The following CPQ variants were observed in gnomAD, a reference collection of about 807,000 sequenced individuals.
The protein encoded by CPQ is Ser-Met dipeptidase.
A neutral mutation model predicts 45.7 loss-of-function variants in CPQ; 37 were observed. The ratio of observed to expected loss-of-function variants is 0.81; its 90% CI spans 0.62 to 1.07. The LOEUF is 1.07. Among genes scored for constraint, CPQ ranks in the 50% least tolerant of loss-of-function variants. The pLI, the probability that CPQ is intolerant of heterozygous loss-of-function variation, is 0.00. For synonymous variants in CPQ, 186 were observed against 205.8 expected (o/e 0.90, Z 0.82); for missense variants, 537 against 572.9 (o/e 0.94, Z 0.64).
At chr8:96,758,463 T>C (rs1280687080) in intron 1 of CPQ, among the ~76,000 whole-genome samples, 2 of 152,236 alleles carry the variant, frequency 1.3e-5, no homozygotes, top group African/African-American at 4.8e-5. Context: ...TTACTGATGA[T>C]ACATTAAATG....
intron 4 of CPQ, among the ~76,000 whole-genome samples, chr8:96,961,443 T>G (rs1813460028): frequency 6.6e-6 from 1 of 152,190 alleles, no homozygotes; most frequent in Non-Finnish European, 1.5e-5. Flanking sequence ...ATTTTGAATA[T>G]AAATCATTTT....
chr8:97,121,393 A>G (rs779108069), intron 7 of CPQ, among the ~76,000 whole-genome samples: 3 of 152,228 alleles, frequency 2.0e-5, no homozygotes, highest in Non-Finnish European at 4.4e-5. Context: ...TGTTGGGTAT[A>G]TAGTAAATTG....
intron 5 of CPQ, among the ~76,000 whole-genome samples, chr8:96,975,663 T>C (rs1009291669): frequency 2.6e-5 from 4 of 152,252 alleles, no homozygotes; most frequent in African/African-American, 9.6e-5. Context: ...GTGGGTTTCA[T>C]ACTAGGGATG....
chr8:96,844,577 G>A (rs1811658982), intron 3 of CPQ, among the ~76,000 whole-genome samples: 1 of 152,168 alleles, frequency 6.6e-6, no homozygotes, highest in Non-Finnish European at 1.5e-5. Context: ...TAGAGTTGTT[G>A]AGAGAATTAA....
At chr8:97,027,604 G>C (rs756902602) in intron 5 of CPQ, among the ~76,000 whole-genome samples, 8 of 152,170 alleles carry the variant, frequency 5.3e-5, no homozygotes, top group Non-Finnish European at 1.2e-4. Flanking sequence ...GGATTTACCA[G>C]ATCTGTCTGC....
At chr8:97,079,857 C>G (rs570752004) in intron 7 of CPQ, among the ~76,000 whole-genome samples, 1 of 152,078 alleles carries the variant, frequency 6.6e-6, no homozygotes, top group Non-Finnish European at 1.5e-5. Flanking sequence ...GATAACCAGT[C>G]GGGTTGGACC....
intron 5 of CPQ, among the ~76,000 whole-genome samples, chr8:97,005,453 G>C (rs1809366121): frequency 6.6e-6 from 1 of 151,918 alleles, no homozygotes; most frequent in Non-Finnish European, 1.5e-5. Context: ...TGTAATCCCA[G>C]AACTTTGGGA....
chr8:96,996,493 T>A (rs1809181116), intron 5 of CPQ, among the ~76,000 whole-genome samples: 1 of 152,074 alleles, frequency 6.6e-6, no homozygotes, highest in African/African-American at 2.4e-5. Flanking sequence ...CAGCTTTTAT[T>A]TTCACAGGTT....
At chr8:96,806,160 G>T (rs879323506) in intron 2 of CPQ, among the ~76,000 whole-genome samples, 1 of 152,140 alleles carries the variant, frequency 6.6e-6, no homozygotes, top group African/African-American at 2.4e-5. Flanking sequence ...TGTTTTGGTG[G>T]GCAATATAGG....
chr8:96,950,093 T>C (rs547786456), intron 4 of CPQ, among the ~76,000 whole-genome samples: 2 of 152,266 alleles, frequency 1.3e-5, no homozygotes, highest in South Asian at 2.1e-4. Context: ...TGTCCATAGC[T>C]CTGTATGATT....
intron 5 of CPQ, among the ~76,000 whole-genome samples, chr8:96,975,064 G>C (rs933873928): frequency 4.0e-5 from 6 of 151,662 alleles, no homozygotes; most frequent in Admixed American, 6.6e-5. Context: ...AACAAAAGCT[G>C]GTTCTTTGAA....
chr8:96,905,864 A>G lies in CPQ; in HGVS notation c.849+25859A>G, dbSNP rs200936844. On this transcript the variant is annotated intron_variant, in intron 4 of 7. Transcript: ENST00000220763. ...AGTAAAAAATTGGATAAGTTTGGGTACTTGGGCAGACAGAAAGTTGAAAAT... is the reference window on the plus strand; with the variant it reads ...AGTAAAAAATTGGATAAGTTTGGGTGCTTGGGCAGACAGAAAGTTGAAAAT... Among the ~76,000 whole-genome samples the G allele has an allele frequency of 6.6e-5, 10 of 152,030 alleles. No homozygotes were observed. In the East Asian group the frequency reaches 1.9e-3, roughly 29 times the overall value.
At chr8:96,783,491 G>A (rs2319927) in intron 1 of CPQ, among the ~76,000 whole-genome samples, 78,420 of 151,840 alleles carry the variant, frequency 0.52, 21,998 homozygotes, top group East Asian at 0.88. Context: ...ACCCCTTCCT[G>A]CAATAAACAT....
chr8:96,842,037 T>C (rs1811619735), intron 3 of CPQ, among the ~76,000 whole-genome samples: 1 of 152,140 alleles, frequency 6.6e-6, no homozygotes. Context: ...TAAGAAAGCA[T>C]CTTGATGAGA....
intron 1 of CPQ, among the ~76,000 whole-genome samples, chr8:96,649,227 T>C (rs1205833414): frequency 6.6e-6 from 1 of 152,260 alleles, no homozygotes; most frequent in Non-Finnish European, 1.5e-5. Flanking sequence ...TCTGCCTGCC[T>C]TGGCCTCCCA....
At chr8:96,790,547 TG>T (rs1227528026) in intron 2 of CPQ, among the ~76,000 whole-genome samples, 5 of 152,140 alleles carry the variant, frequency 3.3e-5, no homozygotes, top group African/African-American at 9.7e-5. Flanking sequence ...TGAGAAACAC[TG>T]GTAGTCTGTC....
Position 97,143,182 on chromosome 8 carries a change from A to C in CPQ, c.1418A>C (p.Ter473SerextTer3). ...ATGGAAGAAATGCTGCCTAGGTCCT[A>C]GAAACAGTAAGAAAGAAACGTTTTC... Reference protein sequence around the residue: ...ADMEEMLPRS* With the variant: ...ADMEEMLPRSS The change falls in exon 8 of 8, where the codon TAG (stop) becomes TCG (serine). Residue 473 changes from the stop codon to serine (S), a stop_lost. Transcript: ENST00000220763. The C allele has an allele frequency of 6.2e-7, 1 of 1,613,446 alleles. No individual in the cohort carries two copies. The highest frequency in any genetic ancestry group is 8.5e-7 in the Non-Finnish European group (1 of 1,179,754).
intron 5 of CPQ, among the ~76,000 whole-genome samples, chr8:96,977,998 T>A (rs188817715): frequency 1.3e-5 from 2 of 152,266 alleles, no homozygotes; most frequent in East Asian, 3.9e-4. Flanking sequence ...TTAAAAGAAT[T>A]TGTTCCTTTC....
intron 4 of CPQ, among the ~76,000 whole-genome samples, chr8:96,947,589 G>A (rs1813207955): frequency 6.6e-6 from 1 of 151,744 alleles, no homozygotes; most frequent in Non-Finnish European, 1.5e-5. Context: ...TGTTTTCTAT[G>A]CCTGTAAAAA....
Sources: allele counts gnomAD v4.1 joint callset (sites outside exome capture counted in the v4.1 genomes callset), GRCh38; gene constraint gnomAD v4.1.1; transcripts MANE v1.5; gene names NCBI Gene and HGNC (gene_info 2026-07-23, HGNC 2026-07-21).